Variants in PALM2AKAP2 observed in about 807,000 individuals in gnomAD.
PALM2AKAP2 encodes PALM2 and AKAP2 fusion, also known as PALM2-AKAP2 fusion protein.
PALM2AKAP2 carries 37 observed loss-of-function variants against 71.5 expected under a neutral mutation model. The observed-to-expected ratio is 0.52, with a 90% CI of 0.40 to 0.68. PALM2AKAP2 has a LOEUF of 0.68. Among genes scored for constraint, PALM2AKAP2 ranks in the 30% least tolerant of loss-of-function variants. The pLI is 0.00. For synonymous variants in PALM2AKAP2, 468 were observed against 478.8 expected (o/e 0.98, Z 0.29); for missense variants, 1,224 against 1,191.8 (o/e 1.03, Z -0.40).
chr9:110,068,891 G>A (rs1391516388), intron 1 of PALM2AKAP2, among the ~76,000 whole-genome samples: 3 of 152,196 alleles, frequency 2.0e-5, no homozygotes, highest in African/African-American at 7.2e-5. Context: ...GGTTAACAAG[G>A]TGCCAGAGAT....
At chr9:109,778,358 G>C (rs1237376721), upstream of PALM2AKAP2, among the ~76,000 whole-genome samples, 1 of 152,168 alleles carries the variant, frequency 6.6e-6, no homozygotes, top group African/African-American at 2.4e-5. Context: ...CCTCATCTTA[G>C]TATTCTCTAC....
intron 1 of PALM2AKAP2, among the ~76,000 whole-genome samples, chr9:109,657,679 G>T (rs960626977): frequency 1.3e-5 from 2 of 152,144 alleles, no homozygotes; most frequent in Non-Finnish European, 2.9e-5. Context: ...AAATGATAGG[G>T]TTTGGGGGTT....
chr9:109,953,102 GA>G (rs1378339124), intron 6 of PALM2AKAP2, among the ~76,000 whole-genome samples: 1 of 152,146 alleles, frequency 6.6e-6, no homozygotes, highest in Non-Finnish European at 1.5e-5. Flanking sequence ...GTAGTACATT[GA>G]ACCTTATGAA....
At chr9:110,166,746 C>G (rs753035612) in intron 3 of PALM2AKAP2, among the ~76,000 whole-genome samples, 47 of 152,050 alleles carry the variant, frequency 3.1e-4, no homozygotes, top group Non-Finnish European at 4.3e-4. Context: ...CTGGGTGGTC[C>G]ATTCCTTTGA....
intron 3 of PALM2AKAP2, 48 bp downstream of exon 9, chr9:110,156,545 G>A (rs766340414): frequency 1.9e-5 from 29 of 1,536,084 alleles, no homozygotes; most frequent in African/African-American, 2.7e-5. Flanking sequence ...CGCGGCCATC[G>A]GTGTGGCGTG....
chr9:109,959,421 G>T (rs1036253878), intron 6 of PALM2AKAP2, among the ~76,000 whole-genome samples: 1 of 152,082 alleles, frequency 6.6e-6, no homozygotes, highest in Non-Finnish European at 1.5e-5. Context: ...GAGGCGGGCA[G>T]ATCACAAGCT....
chr9:109,970,372 T>C (rs1588038281), intron 6 of PALM2AKAP2, among the ~76,000 whole-genome samples: 1 of 152,180 alleles, frequency 6.6e-6, no homozygotes, highest in East Asian at 1.9e-4. Context: ...GGGACACGGA[T>C]TGGTGGGCCA....
intron 1 of PALM2AKAP2, among the ~76,000 whole-genome samples, chr9:109,807,993 T>G (rs1827626803): frequency 6.6e-6 from 1 of 152,242 alleles, no homozygotes; most frequent in African/African-American, 2.4e-5. Context: ...TCTGCCATGA[T>G]TGTGAGGCCT....
At chr9:109,865,967 A>G (rs538688864) in intron 1 of PALM2AKAP2, among the ~76,000 whole-genome samples, 1 of 152,276 alleles carries the variant, frequency 6.6e-6, no homozygotes, top group Non-Finnish European at 1.5e-5. Flanking sequence ...ACACTCTGGG[A>G]TTAAGTAACA....
intron 1 of PALM2AKAP2, 116 bp from the exon 2 acceptor site, chr9:109,867,375 G>A (rs886524471): frequency 2.1e-5 from 24 of 1,169,186 alleles, no homozygotes; most frequent in African/African-American, 2.0e-4. Context: ...GTGTGTGCCC[G>A]GTGTCTCTGG....
At chr9:110,170,714 A>G (rs543970448) in exon 4 of PALM2AKAP2, 1 of 152,362 alleles carries the variant, frequency 6.6e-6, no homozygotes, top group East Asian at 1.9e-4. Context: ...GGAGGTTGGC[A>G]TGGAGACTAA....
intron 1 of PALM2AKAP2, among the ~76,000 whole-genome samples, chr9:109,647,180 T>A (rs72750842): frequency 0.037 from 5,678 of 152,302 alleles, 157 homozygotes; most frequent in Non-Finnish European, 0.058. Context: ...TATGTTGTTC[T>A]GCAGCTTGCT....
intron 1 of PALM2AKAP2, among the ~76,000 whole-genome samples, chr9:109,711,037 A>C (rs927261659): frequency 7.2e-5 from 11 of 152,306 alleles, no homozygotes; most frequent in African/African-American, 2.6e-4. Flanking sequence ...GATGAACACA[A>C]GCATTATAAT....
At chr9:109,791,118 T>C (rs1827100763) in intron 1 of PALM2AKAP2, among the ~76,000 whole-genome samples, 1 of 152,184 alleles carries the variant, frequency 6.6e-6, no homozygotes, top group African/African-American at 2.4e-5. Flanking sequence ...GAGGCAGCAG[T>C]AGAATGTACT....
intron 1 of PALM2AKAP2, among the ~76,000 whole-genome samples, chr9:109,756,868 G>T (rs1828971779): frequency 1.3e-5 from 2 of 152,016 alleles, no homozygotes. Flanking sequence ...TATTTATAGG[G>T]CACATGTGAT....
At chr9:109,830,605 A>C (rs892598247) in intron 1 of PALM2AKAP2, among the ~76,000 whole-genome samples, 1 of 152,192 alleles carries the variant, frequency 6.6e-6, no homozygotes. Context: ...AGGAGAATGG[A>C]GTATGTTTAT....
chr9:109,813,098 A>G (rs1827765468), intron 1 of PALM2AKAP2, among the ~76,000 whole-genome samples: 1 of 152,262 alleles, frequency 6.6e-6, no homozygotes, highest in Non-Finnish European at 1.5e-5. Context: ...AAGACTGCCC[A>G]TAGCAGCTGA....
intron 2 of PALM2AKAP2, among the ~76,000 whole-genome samples, chr9:110,152,995 A>G (rs1836361500): frequency 1.3e-5 from 2 of 152,202 alleles, no homozygotes; most frequent in South Asian, 4.1e-4. Flanking sequence ...AGATAGAACC[A>G]GAACATGGGC....
intron 6 of PALM2AKAP2, among the ~76,000 whole-genome samples, chr9:109,953,425 A>G (rs1459186527): frequency 6.6e-6 from 1 of 152,208 alleles, no homozygotes; most frequent in Non-Finnish European, 1.5e-5. Flanking sequence ...GATAGTAAGT[A>G]CTTTGGCTAA....
Sources: gnomAD v4.1 joint callset for allele counts (sites outside exome capture counted in the v4.1 genomes callset) on GRCh38, gnomAD v4.1.1 for gene constraint, MANE v1.5 for transcripts, NCBI Gene and HGNC (gene_info 2026-07-23, HGNC 2026-07-21) for gene names.